NTRK3: variants seen among roughly 807,000 people sequenced by gnomAD.
NTRK3 encodes the protein NT-3 growth factor receptor.
Under a neutral mutation model 91.7 loss-of-function variants are expected in NTRK3, and 24 were observed. The observed-to-expected ratio is 0.26, with a 90% CI of 0.19 to 0.37. NTRK3 has a LOEUF of 0.37. Among genes scored for constraint, NTRK3 ranks in the 10% least tolerant of loss-of-function variants. NTRK3 has a pLI of 1.00. For missense variants in NTRK3, 880 were observed against 1,068.9 expected, an observed-to-expected ratio of 0.82 and a Z score of 2.46; for synonymous variants, 483 against 404.0, an observed-to-expected ratio of 1.20 and a Z score of -2.34.
chr15:88,223,648 A>C (rs893289828), intron 3 of NTRK3, among the ~76,000 whole-genome samples: 3 of 152,218 alleles, frequency 2.0e-5, no homozygotes, highest in Admixed American at 6.5e-5. Context: ...CAAAGTACTC[A>C]ACCTTTTGGG....
chr15:87,885,371 C>A (rs574974339), intron 17 of NTRK3, among the ~76,000 whole-genome samples: 2 of 151,624 alleles, frequency 1.3e-5, no homozygotes, highest in Non-Finnish European at 3.0e-5. Flanking sequence ...TATGAAAACC[C>A]AAATGAAATG....
chr15:88,149,535 A>G (rs2043185912), intron 5 of NTRK3, among the ~76,000 whole-genome samples: 1 of 152,242 alleles, frequency 6.6e-6, no homozygotes, highest in Non-Finnish European at 1.5e-5. Context: ...TAAGCCATCC[A>G]TCATGCTCAG....
intron 14 of NTRK3, among the ~76,000 whole-genome samples, chr15:88,001,593 C>T (rs1384253028): frequency 6.6e-6 from 1 of 152,108 alleles, no homozygotes; most frequent in Non-Finnish European, 1.5e-5. Flanking sequence ...GTTTAAAAGA[C>T]TATTATATCC....
At chr15:88,009,275 T>C (rs1404987477) in intron 14 of NTRK3, among the ~76,000 whole-genome samples, 1 of 152,148 alleles carries the variant, frequency 6.6e-6, no homozygotes, top group Admixed American at 6.6e-5. Context: ...ATTTCCTTTA[T>C]TCCTTATTTT....
chr15:88,142,677 C>A (rs929616263), intron 6 of NTRK3, among the ~76,000 whole-genome samples: 1 of 152,208 alleles, frequency 6.6e-6, no homozygotes, highest in Non-Finnish European at 1.5e-5. Flanking sequence ...CTTGAGATAA[C>A]AACAGTCAGA....
At chr15:88,150,799 A>C (rs1009147390) in intron 5 of NTRK3, among the ~76,000 whole-genome samples, 10 of 152,320 alleles carry the variant, frequency 6.6e-5, no homozygotes, top group Admixed American at 1.3e-4. Context: ...TACACACCAC[A>C]AAACAAGCAG....
chr15:88,174,924 T>C (rs2045860875), intron 5 of NTRK3, among the ~76,000 whole-genome samples: 1 of 152,206 alleles, frequency 6.6e-6, no homozygotes, highest in African/African-American at 2.4e-5. Flanking sequence ...CCATAGCCAC[T>C]GATGAAGAAC....
At chr15:88,013,729 C>T (rs1380594211) in intron 14 of NTRK3, among the ~76,000 whole-genome samples, 1 of 152,162 alleles carries the variant, frequency 6.6e-6, no homozygotes, top group Non-Finnish European at 1.5e-5. Flanking sequence ...TGGCCAGGCA[C>T]TGTGGCTCAT....
intron 3 of NTRK3, among the ~76,000 whole-genome samples, chr15:88,224,573 G>T (rs924607860): frequency 6.6e-6 from 1 of 152,192 alleles, no homozygotes; most frequent in Non-Finnish European, 1.5e-5. Flanking sequence ...TTATTCCTGA[G>T]ATCATCTCTA....
At chr15:87,974,017 A>C (rs577409306) in intron 14 of NTRK3, among the ~76,000 whole-genome samples, 133 of 152,294 alleles carry the variant, frequency 8.7e-4, no homozygotes, top group Non-Finnish European at 1.5e-3. Flanking sequence ...GTCGTCCTGC[A>C]TTGATCTGCC....
intron 14 of NTRK3, among the ~76,000 whole-genome samples, chr15:87,998,709 C>G (rs901635433): frequency 1.6e-4 from 24 of 152,132 alleles, no homozygotes; most frequent in African/African-American, 4.6e-4. Context: ...ACTTCAATAG[C>G]CATTATGCCA....
intron 13 of NTRK3, among the ~76,000 whole-genome samples, chr15:88,040,501 T>C (rs1314750030): frequency 1.3e-5 from 2 of 152,224 alleles, no homozygotes; most frequent in African/African-American, 4.8e-5. Context: ...GGGAATACAC[T>C]GATACATCAA....
intron 17 of NTRK3, among the ~76,000 whole-genome samples, chr15:87,881,370 G>C (rs1384311055): frequency 1.3e-5 from 2 of 152,020 alleles, no homozygotes; most frequent in African/African-American, 2.4e-5. Flanking sequence ...TTTATGTCCG[G>C]ATGAGGTATT....
chr15:87,980,070 G>A (rs1032459186), intron 14 of NTRK3, among the ~76,000 whole-genome samples: 2 of 152,268 alleles, frequency 1.3e-5, no homozygotes, highest in Non-Finnish European at 2.9e-5. Context: ...AGAGAGTAAC[G>A]GCTGATCTCT....
chr15:87,950,118 T>G (rs1448999504), intron 14 of NTRK3, among the ~76,000 whole-genome samples: 1 of 152,184 alleles, frequency 6.6e-6, no homozygotes, highest in Non-Finnish European at 1.5e-5. Context: ...TGATGTCATG[T>G]TCTCACCAGA....
chr15:88,160,847 G>A lies in NTRK3; in HGVS notation c.396-13444C>T, dbSNP rs553177473. ...GGTTTGGAAAAGCATTTAGGGGAGA[G>A]GTAGGCAATGGTTTTCGAAGATGGG... On this transcript the variant is annotated intron_variant, in intron 5 of 18. Transcript: ENST00000394480. Among the ~76,000 whole-genome samples, 56 of 152,312 alleles carry A rather than the reference G, an allele frequency of 3.7e-4. 1 individual carries two copies. The highest frequency in any genetic ancestry group is 1.2e-3 in the African/African-American group (49 of 41,556).
In NTRK3 at chr15:88,080,349, C is replaced by CT. The variant is rs576765319; in HGVS notation, c.1396+45921dup. 1.4e-4 allele frequency among the ~76,000 whole-genome samples: 22 copies of CT among 152,314 alleles called. No individual in the cohort carries two copies. The South Asian group carries it at 4.6e-3, about 32-fold the overall frequency. On this transcript the variant is annotated intron_variant, in intron 13 of 18. Coordinates refer to ENST00000394480, the Ensembl canonical transcript of NTRK3. ...CCTATAGCAGGGGAATGAGAGCCCC[C>CT]TTTTCTCTATATCTAAACCATCATG...
At chr15:87,987,634 C>A (rs2074936343) in intron 14 of NTRK3, among the ~76,000 whole-genome samples, 1 of 151,798 alleles carries the variant, frequency 6.6e-6, no homozygotes, top group Non-Finnish European at 1.5e-5. Flanking sequence ...GAAATGATGT[C>A]ATCTCAAGAT....
chr15:87,963,538 G>C (rs979599877), intron 14 of NTRK3, among the ~76,000 whole-genome samples: 2 of 152,072 alleles, frequency 1.3e-5, no homozygotes, highest in African/African-American at 4.8e-5. Context: ...TTTCAGTATG[G>C]TATTCCATAA....
Sources: allele counts gnomAD v4.1 joint callset (sites outside exome capture counted in the v4.1 genomes callset), GRCh38; gene constraint gnomAD v4.1.1; transcripts MANE v1.5; gene names NCBI Gene and HGNC (gene_info 2026-07-23, HGNC 2026-07-21).